Variants in KLF8 observed in about 807,000 individuals in gnomAD.
KLF8 encodes KLF transcription factor 8.
A neutral mutation model predicts 18.2 loss-of-function variants in KLF8; 10 were observed. The observed-to-expected ratio is 0.55, with a 90% CI of 0.34 to 0.93. The LOEUF (loss-of-function observed/expected upper bound fraction) is 0.93. Among genes scored for constraint, KLF8 ranks in the 40% least tolerant of loss-of-function variants. The pLI is 0.02. For missense variants in KLF8, 264 were observed against 277.9 expected, an observed-to-expected ratio of 0.95 and a Z score of 0.36; for synonymous variants, 109 against 97.3, an observed-to-expected ratio of 1.12 and a Z score of -0.71.
the KLF8 span, among the ~76,000 whole-genome samples, chrX:56,063,756 G>A: frequency 9.0e-6 from 1 of 111,170 alleles, no homozygotes; most frequent in African/African-American, 3.3e-5. Context: ...TGTGTTCACA[G>A]CCACCCCTTC....
At chrX:56,054,107 C>A in the KLF8 span, among the ~76,000 whole-genome samples, 1 of 105,204 alleles carries the variant, frequency 9.5e-6, no homozygotes, top group Non-Finnish European at 1.9e-5. Flanking sequence ...AAATTGAGAT[C>A]TTTCTTTTTA....
At chrX:56,212,468 T>A in the KLF8 span, among the ~76,000 whole-genome samples, 1 of 112,230 alleles carries the variant, frequency 8.9e-6, no homozygotes, top group African/African-American at 3.2e-5. Flanking sequence ...CCCTCAGTGA[T>A]GAGGTTTGTG....
At chrX:56,057,660 C>G in the KLF8 span, among the ~76,000 whole-genome samples, 5 of 111,181 alleles carry the variant, frequency 4.5e-5, no homozygotes, top group African/African-American at 1.6e-4. Context: ...CTGGAGAGGC[C>G]AGGAAATTAA....
chrX:56,256,464 G>C (rs931814123), intron 2 of KLF8, among the ~76,000 whole-genome samples: 2 of 110,074 alleles, frequency 1.8e-5, no homozygotes, highest in Non-Finnish European at 3.8e-5. Context: ...AGAATATGCA[G>C]GTATCATTGC....
At chrX:55,941,673 A>G in the KLF8 span, among the ~76,000 whole-genome samples, 1 of 112,015 alleles carries the variant, frequency 8.9e-6, no homozygotes, top group Non-Finnish European at 1.9e-5. Context: ...CAAATTTACA[A>G]GAAAAAAACA....
chrX:55,971,514 G>T, the KLF8 span, among the ~76,000 whole-genome samples: 1 of 110,555 alleles, frequency 9.0e-6, no homozygotes, highest in Non-Finnish European at 1.9e-5. Flanking sequence ...AAGATTTTTT[G>T]AGTAATACCC....
chrX:56,097,752 C>A, the KLF8 span, among the ~76,000 whole-genome samples: 1 of 96,640 alleles, frequency 1.0e-5, no homozygotes, highest in Admixed American at 1.2e-4. Flanking sequence ...CCATCTCAAT[C>A]ACTCTTAATA....
the KLF8 span, among the ~76,000 whole-genome samples, chrX:56,069,801 T>C: frequency 9.0e-6 from 1 of 111,603 alleles, no homozygotes; most frequent in Non-Finnish European, 1.9e-5. Context: ...TTGCCCAGCT[T>C]CCTGCCCAGC....
the KLF8 span, among the ~76,000 whole-genome samples, chrX:56,054,757 G>T: frequency 3.6e-5 from 4 of 111,658 alleles, no homozygotes; most frequent in African/African-American, 1.3e-4. Context: ...TTGCTTTACG[G>T]ATCAGAGTAC....
chrX:56,033,945 T>G, the KLF8 span, among the ~76,000 whole-genome samples: 1 of 112,575 alleles, frequency 8.9e-6, no homozygotes, highest in African/African-American at 3.2e-5. Flanking sequence ...ATATTTTGTA[T>G]AGCAAATCTT....
At chrX:56,076,147 T>C in the KLF8 span, among the ~76,000 whole-genome samples, 1 of 111,043 alleles carries the variant, frequency 9.0e-6, no homozygotes, top group Admixed American at 9.6e-5. Flanking sequence ...CTCATAATTT[T>C]TTTTTATTAT....
chrX:55,934,305 C>T, the KLF8 span, among the ~76,000 whole-genome samples: 2 of 111,349 alleles, frequency 1.8e-5, no homozygotes, highest in South Asian at 3.8e-4. Flanking sequence ...CTCTTAGCAC[C>T]TATAATGGGG....
the KLF8 span, among the ~76,000 whole-genome samples, chrX:56,135,598 C>G: frequency 9.1e-6 from 1 of 110,106 alleles, no homozygotes; most frequent in Non-Finnish European, 1.9e-5. Context: ...ATACCTAATG[C>G]TAAATGACGA....
the KLF8 span, among the ~76,000 whole-genome samples, chrX:56,015,394 A>G: frequency 8.9e-6 from 1 of 111,927 alleles, no homozygotes; most frequent in African/African-American, 3.2e-5. Flanking sequence ...ATTGTTTTCC[A>G]ACTTGATGGG....
At chrX:55,999,477 G>A in the KLF8 span, among the ~76,000 whole-genome samples, 1 of 108,073 alleles carries the variant, frequency 9.3e-6, no homozygotes, top group Non-Finnish European at 1.9e-5. Context: ...ACCATGGATT[G>A]TATTTCCATT....
At chrX:56,072,794 C>T in the KLF8 span, among the ~76,000 whole-genome samples, 1 of 111,479 alleles carries the variant, frequency 9.0e-6, no homozygotes, top group African/African-American at 3.3e-5. Flanking sequence ...TCACTACTAT[C>T]TATTTCCAAA....
At chrX:56,193,933 GT>G in the KLF8 span, among the ~76,000 whole-genome samples, 1 of 111,901 alleles carries the variant, frequency 8.9e-6, no homozygotes, top group Non-Finnish European at 1.9e-5. Flanking sequence ...AATAAAAATA[GT>G]TTAATTATAC....
chrX:55,997,956 G>A, the KLF8 span, among the ~76,000 whole-genome samples: 3 of 111,381 alleles, frequency 2.7e-5, no homozygotes, highest in Admixed American at 2.8e-4. Context: ...GATCATTCGT[G>A]GGTGTTTCTC....
At chrX:55,947,862 T>G in the KLF8 span, among the ~76,000 whole-genome samples, 1 of 112,312 alleles carries the variant, frequency 8.9e-6, no homozygotes, top group African/African-American at 3.2e-5. Flanking sequence ...AAAAAAGCAT[T>G]AAGTGTATTT....
Sources: gnomAD v4.1 joint callset for allele counts (sites outside exome capture counted in the v4.1 genomes callset) on GRCh38, gnomAD v4.1.1 for gene constraint, MANE v1.5 for transcripts, NCBI Gene and HGNC (gene_info 2026-07-23, HGNC 2026-07-21) for gene names.